The following UGT1A3 variants were observed in gnomAD, a reference collection of about 807,000 sequenced individuals.
UGT1A3 encodes UDP-glucuronosyltransferase 1A3.
A neutral mutation model predicts 41.0 loss-of-function variants in UGT1A3; 31 were observed. The observed-to-expected ratio is 0.76, with a 90% CI of 0.57 to 1.02. The LOEUF (loss-of-function observed/expected upper bound fraction) is 1.02. Ranked by LOEUF, UGT1A3 falls within the 50% of genes least tolerant of loss-of-function variation. The pLI, the probability that UGT1A3 is intolerant of heterozygous loss-of-function variation, is 0.00. For missense variants in UGT1A3, 737 were observed against 671.0 expected (o/e 1.10, Z -1.09); for synonymous variants, 262 against 257.6 (o/e 1.02, Z -0.17).
intron 1 of UGT1A3, chr2:233,747,878 C>A: frequency 6.2e-7 from 1 of 1,613,056 alleles, no homozygotes; most frequent in South Asian, 1.1e-5. Context: ...CCCTGTCCTA[C>A]CTTTGCCATG....
rs760166727 is a variant in UGT1A3 at position 233,760,242 on chromosome 2, A to G, written c.868-6792A>G. ...ATCGATTGGTTTTTGCCATATATAT[A>G]TATATAAGTAGGAGAGGGCGAACCT... On this transcript the variant is annotated intron_variant, in intron 1 of 4. Coordinates refer to ENST00000482026, the MANE Select transcript of UGT1A3 (RefSeq NM_019093.4). The G allele has an allele frequency of 7.2e-5, 116 of 1,607,556 alleles. 3 individuals carry two copies. The Admixed American group carries it at 1.9e-3, about 26-fold the overall frequency.
chr2:233,733,069 G>A (rs899757131), intron 1 of UGT1A3, among the ~76,000 whole-genome samples: 2 of 152,108 alleles, frequency 1.3e-5, no homozygotes, highest in African/African-American at 4.8e-5. Context: ...TCTCTTTGTA[G>A]CAATTGTGAA....
intron 1 of UGT1A3, among the ~76,000 whole-genome samples, chr2:233,766,325 G>C (rs574966930): frequency 6.6e-6 from 1 of 152,110 alleles, no homozygotes; most frequent in African/African-American, 2.4e-5. Flanking sequence ...GCCAAACTCC[G>C]CGTTGTTCTG....
At position 233,761,196 on chromosome 2, in the gene UGT1A3, T is replaced by C. The variant is rs761284519; in HGVS notation, c.868-5838T>C. 5.6e-6 allele frequency: 9 copies of C among 1,614,024 alleles called. No homozygotes were observed. The East Asian group carries it at 2.0e-4, about 36-fold the overall frequency. Reference sequence around the variant, plus strand: ...TTTTACATGCGTATATTCTTTCAGATGTATTACTTTGGATCGATTAACTAG... The same window carrying C: ...TTTTACATGCGTATATTCTTTCAGACGTATTACTTTGGATCGATTAACTAG... On this transcript the variant is annotated intron_variant, in intron 1 of 4. Transcript: ENST00000482026.
intron 1 of UGT1A3, chr2:233,753,090 C>T (rs1182840596): frequency 2.0e-5 from 3 of 152,216 alleles, no homozygotes; most frequent in Non-Finnish European, 4.4e-5. Flanking sequence ...TATTCCTGAA[C>T]GGCTCCATAA....
At chr2:233,756,056 A>G (rs1035647864) in intron 1 of UGT1A3, 1 of 152,220 alleles carries the variant, frequency 6.6e-6, no homozygotes, top group African/African-American at 2.4e-5. Context: ...TCCACTGTAC[A>G]CTTGTGGGAG....
intron 1 of UGT1A3, among the ~76,000 whole-genome samples, chr2:233,749,511 A>G (rs944951323): frequency 2.0e-5 from 3 of 151,918 alleles, no homozygotes; most frequent in East Asian, 3.8e-4. Flanking sequence ...ATTAGAGAAC[A>G]CTAGCAAGGC....
At chr2:233,767,732 C>T (rs1041419428) in intron 2 of UGT1A3, 117 bp from the exon 3 acceptor site, 2 of 1,564,690 alleles carry the variant, frequency 1.3e-6, no homozygotes, top group Admixed American at 1.9e-5. Flanking sequence ...ACTGATCCTC[C>T]CACTCTGTTA....
chr2:233,768,820 G>A (rs1699735908), intron 4 of UGT1A3, among the ~76,000 whole-genome samples: 1 of 151,998 alleles, frequency 6.6e-6, no homozygotes, highest in Non-Finnish European at 1.5e-5. Flanking sequence ...CTGACTTCAG[G>A]TGATCCACCT....
intron 4 of UGT1A3, chr2:233,770,755 A>G (rs1050140831): frequency 6.6e-6 from 1 of 152,202 alleles, no homozygotes; most frequent in Non-Finnish European, 1.5e-5. Flanking sequence ...AAGTACTAAT[A>G]TTACATTATA....
intron 4 of UGT1A3, among the ~76,000 whole-genome samples, chr2:233,768,674 C>T (rs1339439419): frequency 6.7e-6 from 1 of 148,950 alleles, no homozygotes; most frequent in Non-Finnish European, 1.5e-5. Context: ...GCAACCTCCA[C>T]CTCCCACGTT....
In UGT1A3 at chr2:233,769,517, G is replaced by T; in HGVS notation, c.1307+1078G>T. 6.2e-7 allele frequency: 1 copy of T among 1,612,844 alleles called. No homozygotes were observed. The highest frequency in any genetic ancestry group is 8.5e-7 in the Non-Finnish European group (1 of 1,179,874). On this transcript the variant is annotated intron_variant, in intron 4 of 4. Transcript: ENST00000482026. The surrounding 1 kb of genome is among the most constrained non-coding windows in gnomAD (Gnocchi z 4.4). ...AGAGTGTCCATTGCTTTCTCCCATGGTTACCTCCTTTAGAAAGAAGCAGCA... is the reference window on the plus strand; with the variant it reads ...AGAGTGTCCATTGCTTTCTCCCATGTTTACCTCCTTTAGAAAGAAGCAGCA...
In UGT1A3 at chr2:233,769,534, G is replaced by C. The variant is rs752305202; in HGVS notation, c.1307+1095G>C. ...CTCCCATGGTTACCTCCTTTAGAAA[G>C]AAGCAGCAGTCAGGAAGACAGATGT... is the stretch of plus-strand genomic sequence containing the variant. On this transcript the variant is annotated intron_variant, in intron 4 of 4. Transcript: ENST00000482026. The surrounding 1 kb of genome is among the most constrained non-coding windows in gnomAD (Gnocchi z 4.4). 6.2e-7 allele frequency: 1 copy of C among 1,612,926 alleles called. No individual in the cohort carries two copies. Among genetic ancestry groups the C allele is most frequent in the South Asian group, 1.1e-5 (1 of 91,080 alleles).
At chr2:233,765,778 A>G (rs1698945501) in intron 1 of UGT1A3, among the ~76,000 whole-genome samples, 2 of 152,070 alleles carry the variant, frequency 1.3e-5, no homozygotes, top group African/African-American at 2.4e-5. Context: ...GATTCATTGG[A>G]CCACTGAAAA....
chr2:233,743,946 C>T, intron 1 of UGT1A3: 1 of 1,349,798 alleles, frequency 7.4e-7, no homozygotes, highest in South Asian at 1.2e-5. Flanking sequence ...CCACCAGGCA[C>T]TGGCACAGCG....
intron 1 of UGT1A3, among the ~76,000 whole-genome samples, chr2:233,734,124 A>T (rs533243585): frequency 1.8e-3 from 273 of 151,048 alleles, no homozygotes; most frequent in Non-Finnish European, 3.0e-3. Context: ...ATAATAATAA[A>T]AAGAATTTGG....
intron 1 of UGT1A3, among the ~76,000 whole-genome samples, chr2:233,735,786 T>C (rs1470873966): frequency 1.3e-5 from 2 of 152,218 alleles, no homozygotes; most frequent in Non-Finnish European, 2.9e-5. Context: ...TTTGGCTGCA[T>C]ATGAATTTCT....
Position 233,772,406 on chromosome 2 carries a change from G to A in UGT1A3, c.1452G>A (p.Trp484Ter), listed in dbSNP as rs866632307. Residue 484 changes from tryptophan to a stop codon, truncating the protein, a stop_gained, in exon 5 of 5, where the codon TGG (tryptophan) becomes TGA (stop). Transcript: ENST00000482026. LOFTEE classifies it high-confidence loss of function. ...GCCCCGCAGCCCACGACCTCACCTGGTACCAGTACCATTCCTTGGACGTGA... is the reference window on the plus strand; with the variant it reads ...GCCCCGCAGCCCACGACCTCACCTGATACCAGTACCATTCCTTGGACGTGA... The part of the protein sequence containing the change: ...HLRPAAHDLT[W>*]YQYHSLDVIG... 1 of 1,614,238 alleles carries A rather than the reference G, an allele frequency of 6.2e-7. No homozygotes were observed. Among genetic ancestry groups the A allele is most frequent in the Middle Eastern group, 1.6e-4 (1 of 6,062 alleles).
intron 1 of UGT1A3, among the ~76,000 whole-genome samples, chr2:233,748,824 G>A (rs1694036500): frequency 6.6e-6 from 1 of 151,412 alleles, no homozygotes. Context: ...GAAGGGTCTA[G>A]GGAGGAGATA....
Sources: allele counts gnomAD v4.1 joint callset (sites outside exome capture counted in the v4.1 genomes callset), GRCh38; gene constraint gnomAD v4.1.1; non-coding constraint Gnocchi (gnomAD v3.1); transcripts MANE v1.5; gene names NCBI Gene and HGNC (gene_info 2026-07-23, HGNC 2026-07-21).